FARP1: variants seen among roughly 807,000 people sequenced by gnomAD.
The protein encoded by FARP1 is FERM, ARHGEF and pleckstrin domain-containing protein 1.
FARP1 carries 52 observed loss-of-function variants against 128.8 expected under a neutral mutation model. That is an observed-to-expected ratio of 0.40 (90% CI 0.32 to 0.51). The LOEUF is 0.51. Among genes scored for constraint, FARP1 ranks in the 20% least tolerant of loss-of-function variants. FARP1 has a pLI of 0.45. For synonymous variants in FARP1, 580 were observed against 551.8 expected (o/e 1.05, Z -0.72); for missense variants, 1,333 against 1,367.9 (o/e 0.97, Z 0.40).
rs1408016513 is a variant in FARP1 at position 98,451,896 on chromosome 13, A to G, written c.*3579A>G. The G allele has an allele frequency of 6.6e-6, 1 of 152,208 alleles. No individual in the cohort carries two copies. Among genetic ancestry groups the G allele is most frequent in the Non-Finnish European group, 1.5e-5 (1 of 68,072 alleles). 9.4% of individuals were successfully genotyped at this position (152,208 alleles called of 1,614,324 possible). A position where few individuals can be genotyped will look rare whatever the true frequency, so the allele number is the denominator to read the frequency against. ...AAGCATAGGCCCCTTCCAGAGAAGCAAAATAACTCTTAAGGTCCCCGGCAA... is the reference window on the plus strand; with the variant it reads ...AAGCATAGGCCCCTTCCAGAGAAGCGAAATAACTCTTAAGGTCCCCGGCAA... On this transcript the variant is annotated 3_prime_UTR_variant, in exon 27 of 27. Transcript: ENST00000319562.
intron 2 of FARP1, among the ~76,000 whole-genome samples, chr13:98,318,485 AT>A (rs1886841829): frequency 6.6e-6 from 1 of 152,194 alleles, no homozygotes; most frequent in African/African-American, 2.4e-5. Context: ...CGACCTGTAA[AT>A]TTGGATGGGG....
intron 2 of FARP1, among the ~76,000 whole-genome samples, chr13:98,258,489 G>A (rs1436067872): frequency 1.3e-5 from 2 of 152,168 alleles, no homozygotes; most frequent in Non-Finnish European, 2.9e-5. Flanking sequence ...ACCTTGAATA[G>A]GTATTGTTTA....
chr13:98,160,249 G>A (rs1201768499), intron 1 of FARP1, among the ~76,000 whole-genome samples: 3 of 152,166 alleles, frequency 2.0e-5, no homozygotes, highest in Non-Finnish European at 2.9e-5. Flanking sequence ...GAGAAATGAA[G>A]CCTCCTTTGA....
intron 2 of FARP1, among the ~76,000 whole-genome samples, chr13:98,276,483 G>A (rs1282327993): frequency 6.6e-6 from 1 of 152,202 alleles, no homozygotes; most frequent in African/African-American, 2.4e-5. Context: ...GCTATGTGAT[G>A]ATTTTGTACT....
At chr13:98,308,224 A>T (rs73563538) in intron 2 of FARP1, among the ~76,000 whole-genome samples, 6,599 of 152,042 alleles carry the variant, frequency 0.043, 473 homozygotes, top group African/African-American at 0.15. Context: ...TTGTGTTGAG[A>T]CCTTGAGGAT....
At chr13:98,409,753 C>T (rs1053667718) in intron 14 of FARP1, among the ~76,000 whole-genome samples, 1 of 152,226 alleles carries the variant, frequency 6.6e-6, no homozygotes, top group East Asian at 1.9e-4. Flanking sequence ...TTGTCACTAA[C>T]TCCTCCTTCC....
chr13:98,441,467 C>T (rs1892522129), intron 24 of FARP1, among the ~76,000 whole-genome samples: 1 of 152,254 alleles, frequency 6.6e-6, no homozygotes, highest in Non-Finnish European at 1.5e-5. Flanking sequence ...CCGTGGGGAG[C>T]TGATGGGACA....
chr13:98,186,249 G>A (rs1313202977), intron 1 of FARP1, among the ~76,000 whole-genome samples: 1 of 152,098 alleles, frequency 6.6e-6, no homozygotes, highest in Admixed American at 6.6e-5. Flanking sequence ...TGGGATTACA[G>A]GCATGAGCCA....
intron 2 of FARP1, among the ~76,000 whole-genome samples, chr13:98,240,305 A>G (rs1463324778): frequency 6.6e-6 from 1 of 152,190 alleles, no homozygotes; most frequent in African/African-American, 2.4e-5. Context: ...GCTGGCCTTG[A>G]AACTCAAGCT....
At chr13:98,171,167 AC>A (rs1332624035) in intron 1 of FARP1, among the ~76,000 whole-genome samples, 1 of 151,980 alleles carries the variant, frequency 6.6e-6, no homozygotes, top group Non-Finnish European at 1.5e-5. Context: ...AATTCCCAAC[AC>A]CTCGTGCCTC....
chr13:98,435,956 T>C, intron 19 of FARP1: 1 of 553,690 alleles, frequency 1.8e-6, no homozygotes, highest in Non-Finnish European at 3.5e-6. Context: ...TCTTTACCTT[T>C]TCCCCTACCA....
chr13:98,446,206 G>GT lies in FARP1; in HGVS notation c.2904+2dup, dbSNP rs780921555. The GT allele has an allele frequency of 1.2e-6, 2 of 1,606,802 alleles. No homozygotes were observed. The highest frequency in any genetic ancestry group is 1.7e-5 in the Admixed American group (1 of 59,946). On this transcript the variant is annotated splice_donor_variant, in intron 25 of 26. Transcript: ENST00000319562. LOFTEE classifies it high-confidence loss of function. ...CCTGTTCTTCTACAAATCACACCAG[G>GT]TAAGTGTCTCGCACAGGGCAGGTGG...
intron 2 of FARP1, among the ~76,000 whole-genome samples, chr13:98,271,898 G>A (rs770394744): frequency 2.0e-5 from 3 of 152,090 alleles, no homozygotes; most frequent in Non-Finnish European, 4.4e-5. Flanking sequence ...ATAAATGTAC[G>A]TGTGCATGCT....
At chr13:98,195,887 G>A (rs145909027) in intron 1 of FARP1, among the ~76,000 whole-genome samples, 5 of 152,036 alleles carry the variant, frequency 3.3e-5, no homozygotes, top group South Asian at 2.1e-4. Flanking sequence ...TTCGCTGGGC[G>A]TGGTGGTACA....
At chr13:98,331,693 A>G (rs1887515582) in intron 2 of FARP1, 1 of 152,092 alleles carries the variant, frequency 6.6e-6, no homozygotes, top group Non-Finnish European at 1.5e-5. Context: ...AACTCTCACA[A>G]CCACTCCTTT....
chr13:98,409,761 T>TC (rs746008391), intron 14 of FARP1, among the ~76,000 whole-genome samples: 2 of 152,076 alleles, frequency 1.3e-5, no homozygotes, highest in Non-Finnish European at 2.9e-5. Flanking sequence ...AACTCCTCCT[T>TC]CCCCCTCCTG....
chr13:98,370,660 G>A lies in FARP1; in HGVS notation c.398+2465G>A, dbSNP rs114276123. Reference sequence around the variant, plus strand: ...CTGTTGGGGAGTGGAGAGTCAGGGTGTTTCTGGCCAGGTCATGTTTGAGAT... The same window carrying A: ...CTGTTGGGGAGTGGAGAGTCAGGGTATTTCTGGCCAGGTCATGTTTGAGAT... On this transcript the variant is annotated intron_variant, in intron 5 of 26. Coordinates refer to ENST00000319562, the MANE Select transcript of FARP1 (RefSeq NM_005766.4). 9.6e-3 allele frequency among the ~76,000 whole-genome samples: 1,457 copies of A among 152,110 alleles called. 16 individuals carry two copies. Among genetic ancestry groups the A allele is most frequent in the African/African-American group, 0.03 (1,237 of 41,476 alleles).
chr13:98,321,192 C>A (rs1297267617), intron 2 of FARP1, among the ~76,000 whole-genome samples: 1 of 152,136 alleles, frequency 6.6e-6, no homozygotes. Context: ...TCACCACTGA[C>A]CTTGTGGAAT....
chr13:98,399,836 C>T (rs1890692504), intron 13 of FARP1: 1 of 152,206 alleles, frequency 6.6e-6, no homozygotes, highest in Non-Finnish European at 1.5e-5. Flanking sequence ...GAATTTTAGA[C>T]CCTTTTGTGG....
Sources: allele counts gnomAD v4.1 joint callset (sites outside exome capture counted in the v4.1 genomes callset), GRCh38; gene constraint gnomAD v4.1.1; transcripts MANE v1.5; gene names NCBI Gene and HGNC (gene_info 2026-07-23, HGNC 2026-07-21).